Variants in KHDRBS2 observed in about 807,000 individuals in gnomAD.
KHDRBS2 encodes KH RNA binding domain containing, signal transduction associated 2.
KHDRBS2 carries 26 observed loss-of-function variants against 44.3 expected under a neutral mutation model. The observed-to-expected ratio is 0.59, with a 90% CI of 0.43 to 0.81. The LOEUF is 0.81. KHDRBS2 is among the 40% of genes least tolerant of loss of function. KHDRBS2 has a pLI of 0.00. For synonymous variants in KHDRBS2, 194 were observed against 151.1 expected (o/e 1.28, Z -2.08); for missense variants, 476 against 433.1 (o/e 1.10, Z -0.88).
At chr6:62,092,996 T>C (rs1436516445) in intron 2 of KHDRBS2, among the ~76,000 whole-genome samples, 1 of 152,018 alleles carries the variant, frequency 6.6e-6, no homozygotes, top group Non-Finnish European at 1.5e-5. Flanking sequence ...TATTTAATAC[T>C]GGGAAATCAA....
intron 6 of KHDRBS2, among the ~76,000 whole-genome samples, chr6:61,847,909 T>G (rs1185793003): frequency 1.4e-5 from 1 of 69,266 alleles, no homozygotes; most frequent in Non-Finnish European, 3.0e-5. Flanking sequence ...TTTAAAATGA[T>G]TTTTTCTGCT....
intron 2 of KHDRBS2, among the ~76,000 whole-genome samples, chr6:62,064,238 T>A (rs942548006): frequency 6.9e-6 from 1 of 144,904 alleles, no homozygotes; most frequent in African/African-American, 2.5e-5. Context: ...GCCATCCCCA[T>A]CAAGCTACCA....
At chr6:62,240,638 A>G (rs772930480) in intron 1 of KHDRBS2, among the ~76,000 whole-genome samples, 1 of 128,448 alleles carries the variant, frequency 7.8e-6, no homozygotes, top group Non-Finnish European at 1.6e-5. Flanking sequence ...ACACACATAT[A>G]TGTGTGTGTG....
At chr6:62,204,079 C>T (rs1827524405) in intron 1 of KHDRBS2, among the ~76,000 whole-genome samples, 1 of 152,152 alleles carries the variant, frequency 6.6e-6, no homozygotes, top group Non-Finnish European at 1.5e-5. Context: ...CAGCTTGAGG[C>T]CCTCACCAGA....
the KHDRBS2 span, among the ~76,000 whole-genome samples, chr6:61,599,461 GC>G: frequency 1.3e-5 from 2 of 151,740 alleles, no homozygotes; most frequent in Non-Finnish European, 2.9e-5. Context: ...AGAAGATGTA[GC>G]CCCCCCAAAA....
chr6:61,742,919 T>A (rs1222328370), intron 6 of KHDRBS2, among the ~76,000 whole-genome samples: 1 of 152,040 alleles, frequency 6.6e-6, no homozygotes, highest in African/African-American at 2.4e-5. Context: ...ATATGTACAC[T>A]CAATATAAAG....
chr6:62,045,705 C>T (rs781245268), intron 3 of KHDRBS2, among the ~76,000 whole-genome samples: 1 of 151,632 alleles, frequency 6.6e-6, no homozygotes, highest in East Asian at 1.9e-4. Flanking sequence ...TTGCACAATC[C>T]CATGTGATGT....
chr6:61,904,958 A>G (rs1379012508), intron 4 of KHDRBS2, among the ~76,000 whole-genome samples: 2 of 152,222 alleles, frequency 1.3e-5, no homozygotes, highest in Non-Finnish European at 2.9e-5. Flanking sequence ...AAATCCATTC[A>G]TGATAATGAT....
intron 1 of KHDRBS2, among the ~76,000 whole-genome samples, chr6:62,248,211 G>T (rs1408070779): frequency 6.6e-6 from 1 of 150,816 alleles, no homozygotes; most frequent in Admixed American, 6.6e-5. Flanking sequence ...AAAATAAAAG[G>T]AAAGAAAGAG....
At chr6:61,864,316 C>A (rs1343448280) in intron 6 of KHDRBS2, among the ~76,000 whole-genome samples, 1 of 152,132 alleles carries the variant, frequency 6.6e-6, no homozygotes, top group African/African-American at 2.4e-5. Context: ...ATCCTGTCAA[C>A]ATGATGCAAG....
chr6:61,614,809 G>A, the KHDRBS2 span, among the ~76,000 whole-genome samples: 3 of 152,100 alleles, frequency 2.0e-5, no homozygotes, highest in African/African-American at 7.2e-5. Flanking sequence ...ACCTTGGTTT[G>A]GCTCTTGGCC....
rs141876157 is a variant in KHDRBS2 at position 62,156,981 on chromosome 6, G to A, written c.219+20204C>T. Among the ~76,000 whole-genome samples the A allele has an allele frequency of 3.0e-3, 447 of 150,284 alleles. 3 individuals are homozygous for A. The highest frequency in any genetic ancestry group is 8.4e-3 in the African/African-American group (343 of 41,034). ...ATTACAGGCGTGAGCCACTGCGCCC[G>A]GCCAATTTTGTAGCTTTTTATGACA... is the stretch of plus-strand genomic sequence containing the variant. On this transcript the variant is annotated intron_variant, in intron 2 of 8. Coordinates refer to ENST00000281156, the MANE Select transcript of KHDRBS2 (RefSeq NM_152688.4).
intron 4 of KHDRBS2, among the ~76,000 whole-genome samples, chr6:61,921,423 T>C (rs901625635): frequency 5.3e-5 from 8 of 152,022 alleles, no homozygotes; most frequent in African/African-American, 1.9e-4. Context: ...TTTTTCAATA[T>C]GTGGGTGAAT....
intron 6 of KHDRBS2, among the ~76,000 whole-genome samples, chr6:61,820,600 C>A (rs1229076255): frequency 6.6e-6 from 1 of 151,954 alleles, no homozygotes; most frequent in Non-Finnish European, 1.5e-5. Context: ...GAAATATAAA[C>A]TAATTAGAGG....
the KHDRBS2 span, among the ~76,000 whole-genome samples, chr6:61,577,950 A>G: frequency 6.6e-6 from 1 of 152,200 alleles, no homozygotes; most frequent in Non-Finnish European, 1.5e-5. Flanking sequence ...AATATCATCA[A>G]ACACTATAAG....
At position 62,016,132 on chromosome 6, in the gene KHDRBS2, C is replaced by A. The variant is rs144002856; in HGVS notation, c.336+31746G>T. On this transcript the variant is annotated intron_variant, in intron 3 of 8. Transcript: ENST00000281156. Reference sequence around the variant, plus strand: ...TTCCTTTTTCTTTCACTTTTTTTCCCATGGATATTTTAGTTTCTAGTGGTT... The same window carrying A: ...TTCCTTTTTCTTTCACTTTTTTTCCAATGGATATTTTAGTTTCTAGTGGTT... Among the ~76,000 whole-genome samples, 31 of 152,080 alleles carry A rather than the reference C, an allele frequency of 2.0e-4. No homozygotes were observed. In the East Asian group the frequency reaches 5.8e-3, roughly 28 times the overall value.
intron 4 of KHDRBS2, among the ~76,000 whole-genome samples, chr6:61,923,138 G>C (rs1808349057): frequency 6.6e-6 from 1 of 151,990 alleles, no homozygotes; most frequent in Admixed American, 6.6e-5. Context: ...AAATAAACTA[G>C]TTGAGATTAT....
chr6:61,829,123 T>C (rs1320643260), intron 6 of KHDRBS2, among the ~76,000 whole-genome samples: 2 of 152,206 alleles, frequency 1.3e-5, no homozygotes, highest in South Asian at 2.1e-4. Context: ...ATAGCTGACA[T>C]TGTGTGCATG....
intron 2 of KHDRBS2, among the ~76,000 whole-genome samples, chr6:62,111,504 T>C (rs1804978226): frequency 6.6e-6 from 1 of 152,102 alleles, no homozygotes; most frequent in Non-Finnish European, 1.5e-5. Flanking sequence ...AATTTAATCA[T>C]GTCAAGTCTC....
Sources: gnomAD v4.1 joint callset for allele counts (sites outside exome capture counted in the v4.1 genomes callset) on GRCh38, gnomAD v4.1.1 for gene constraint, MANE v1.5 for transcripts, NCBI Gene and HGNC (gene_info 2026-07-23, HGNC 2026-07-21) for gene names.